The following MACROD1 variants were observed in gnomAD, a reference collection of about 807,000 sequenced individuals.
MACROD1 encodes mono-ADP ribosylhydrolase 1, also known as ADP-ribose glycohydrolase MACROD1.
A neutral mutation model predicts 41.4 loss-of-function variants in MACROD1; 31 were observed. The observed-to-expected ratio is 0.75, with a 90% confidence interval of 0.56 to 1.01. MACROD1 has a LOEUF of 1.01. Ranked by LOEUF, MACROD1 falls within the 50% of genes least tolerant of loss-of-function variation. The pLI is 0.00. For missense variants in MACROD1, 473 were observed against 460.0 expected (o/e 1.03, Z -0.26); for synonymous variants, 252 against 203.4 (o/e 1.24, Z -2.03).
At chr11:64,061,169 T>C (rs1943896088) in intron 3 of MACROD1, among the ~76,000 whole-genome samples, 1 of 152,236 alleles carries the variant, frequency 6.6e-6, no homozygotes, top group Non-Finnish European at 1.5e-5. Context: ...AGTCTTGTAA[T>C]GAGTATGGAT....
chr11:64,160,696 G>C lies in MACROD1; in HGVS notation c.298+5001C>G, dbSNP rs931820483. 6.6e-5 allele frequency among the ~76,000 whole-genome samples: 10 copies of C among 151,724 alleles called. 1 individual carries two copies. Among genetic ancestry groups the C allele is most frequent in the African/African-American group, 1.5e-4 (6 of 41,270 alleles). On this transcript the variant is annotated intron_variant, in intron 1 of 10. Transcript: ENST00000255681. ...CCAGGCATGGTGGCACATGCCTATA[G>C]TCCCAGCTACTCAGGAGGCTGAGGT...
intron 3 of MACROD1, among the ~76,000 whole-genome samples, chr11:64,028,394 C>T (rs1943249177): frequency 6.6e-6 from 1 of 152,268 alleles, no homozygotes; most frequent in Admixed American, 6.5e-5. Flanking sequence ...TCTCTGTTCC[C>T]CTGCCCTCCC....
intron 4 of MACROD1, among the ~76,000 whole-genome samples, chr11:64,005,666 G>A (rs1942898939): frequency 6.6e-6 from 1 of 152,242 alleles, no homozygotes. Context: ...GGCTGTATGG[G>A]AGGATCCCCT....
chr11:64,075,336 C>T lies in MACROD1; in HGVS notation c.518-60055G>A, dbSNP rs1944181663. Among the ~76,000 whole-genome samples the T allele has an allele frequency of 2.0e-5, 3 of 152,376 alleles. No homozygotes were observed. The South Asian group carries it at 6.2e-4, about 32-fold the overall frequency. The stretch of plus-strand genomic sequence containing the variant: ...ATCACCCTGTTTAGACAGAAGTCAT[C>T]TTTCTGGGTCTAAACCGTTCCCTGG... On this transcript the variant is annotated intron_variant, in intron 3 of 10. Coordinates refer to ENST00000255681, the MANE Select transcript of MACROD1 (RefSeq NM_014067.4).
chr11:64,068,322 G>A (rs1944043328), intron 3 of MACROD1, among the ~76,000 whole-genome samples: 1 of 152,168 alleles, frequency 6.6e-6, no homozygotes, highest in South Asian at 2.1e-4. Context: ...CCACTCTTCC[G>A]CCTTTGGGGA....
intron 3 of MACROD1, among the ~76,000 whole-genome samples, chr11:64,125,506 T>C (rs144239419): frequency 3.5e-4 from 53 of 152,284 alleles, no homozygotes; most frequent in African/African-American, 1.0e-3. Context: ...TGCCCACTCA[T>C]TGAGGATGGC....
intron 3 of MACROD1, among the ~76,000 whole-genome samples, chr11:64,047,972 G>C (rs1943616603): frequency 6.6e-6 from 1 of 152,088 alleles, no homozygotes; most frequent in African/African-American, 2.4e-5. Context: ...GGACCCTGAT[G>C]GTGGATAGGA....
chr11:64,151,624 A>G (rs1169348506), intron 2 of MACROD1, among the ~76,000 whole-genome samples: 2 of 152,194 alleles, frequency 1.3e-5, no homozygotes, highest in Non-Finnish European at 2.9e-5. Flanking sequence ...ACAGAGGTAG[A>G]AACTGAGGAT....
chr11:64,153,826 G>A (rs1378327981), intron 1 of MACROD1, among the ~76,000 whole-genome samples: 2 of 152,048 alleles, frequency 1.3e-5, no homozygotes, highest in Admixed American at 6.6e-5. Flanking sequence ...CAGTACCAGC[G>A]CTGCCACCTG....
intron 3 of MACROD1, among the ~76,000 whole-genome samples, chr11:64,134,632 G>A (rs901345634): frequency 6.6e-6 from 1 of 152,048 alleles, no homozygotes; most frequent in African/African-American, 2.4e-5. Context: ...AGCACCTGAG[G>A]AAGCACCTGC....
intron 3 of MACROD1, among the ~76,000 whole-genome samples, chr11:64,074,714 G>T (rs1590871922): frequency 6.6e-6 from 1 of 152,182 alleles, no homozygotes; most frequent in Non-Finnish European, 1.5e-5. Flanking sequence ...TGCCCTGTGG[G>T]TCCCTGAGCT....
At chr11:64,138,902 G>A (rs1039621868) in intron 3 of MACROD1, among the ~76,000 whole-genome samples, 43 of 152,204 alleles carry the variant, frequency 2.8e-4, no homozygotes, top group Admixed American at 6.5e-4. Flanking sequence ...CGAGTAGCTG[G>A]GATTACAGGC....
At position 64,082,338 on chromosome 11, in the gene MACROD1, A is replaced by C. The variant is rs1490918217; in HGVS notation, c.518-67057T>G. Among the ~76,000 whole-genome samples the C allele has an allele frequency of 3.3e-5, 5 of 151,014 alleles. No homozygotes were observed. Among genetic ancestry groups the C allele is most frequent in the Non-Finnish European group, 7.4e-5 (5 of 67,724 alleles). On this transcript the variant is annotated intron_variant, in intron 3 of 10. Transcript: ENST00000255681. The surrounding 1 kb of genome is among the most constrained non-coding windows in gnomAD (Gnocchi z 4.5). ...GCTGGGTGGAGGATGATCCGGGGGG[A>C]CCGTGGAAGGCAGGACGGGGGCCAG...
rs1325479143 is a variant in MACROD1, at chr11:64,122,588, G to A, written c.517+28651C>T. ...AAAGCCAGGCAGAGAGCTGAGGAGG[G>A]GGTCGGGGAGATGTTTCCAGAGCGG... is the stretch of plus-strand genomic sequence containing the variant. On this transcript the variant is annotated intron_variant, in intron 3 of 10. Transcript: ENST00000255681. The surrounding 1 kb of genome is among the most constrained non-coding windows in gnomAD (Gnocchi z 4.0). 6.6e-6 allele frequency among the ~76,000 whole-genome samples: 1 copy of A among 152,260 alleles called. No individual in the cohort carries two copies. Among genetic ancestry groups the A allele is most frequent in the Non-Finnish European group, 1.5e-5 (1 of 68,044 alleles).
intron 1 of MACROD1, among the ~76,000 whole-genome samples, chr11:64,156,474 T>C (rs1356580479): frequency 6.6e-6 from 1 of 152,022 alleles, no homozygotes; most frequent in Non-Finnish European, 1.5e-5. Flanking sequence ...TGCTGAAGTG[T>C]CTCTGGCTGG....
In MACROD1 at chr11:64,116,323, C is replaced by T. The variant is rs768238981; in HGVS notation, c.517+34916G>A. 3.7e-5 allele frequency: 60 copies of T among 1,609,678 alleles called. No homozygotes were observed. In the East Asian group the frequency reaches 3.8e-4, roughly 10 times the overall value. ...ACCACCACGCCCACTGCCACTGTCA[C>T]GGCCACCGTTGTGATGACCACGGCC... On this transcript the variant is annotated intron_variant, in intron 3 of 10. Transcript: ENST00000255681.
At chr11:64,114,343 T>TG (rs1555025677) in intron 3 of MACROD1, among the ~76,000 whole-genome samples, 1 of 136,252 alleles carries the variant, frequency 7.3e-6, no homozygotes, top group Non-Finnish European at 1.6e-5. Flanking sequence ...AGTAGATACA[T>TG]GATGGATGGA....
At chr11:64,023,460 A>G (rs1399939615) in intron 3 of MACROD1, among the ~76,000 whole-genome samples, 2 of 152,162 alleles carry the variant, frequency 1.3e-5, no homozygotes, top group Non-Finnish European at 2.9e-5. Flanking sequence ...ACAGCCTCAC[A>G]GGGCTTCACT....
chr11:64,082,500 G>A lies in MACROD1; in HGVS notation c.518-67219C>T, dbSNP rs1461526307. On this transcript the variant is annotated intron_variant, in intron 3 of 10. Transcript: ENST00000255681. The surrounding 1 kb of genome is among the most constrained non-coding windows in gnomAD (Gnocchi z 4.5). ...GGCTGGGGCCAAGAGCTGGTCCCAGGGGGTGAAACAAGGCTCGGTGCCTAA... is the reference window on the plus strand; with the variant it reads ...GGCTGGGGCCAAGAGCTGGTCCCAGAGGGTGAAACAAGGCTCGGTGCCTAA... Among the ~76,000 whole-genome samples, 1 of 152,076 alleles carries A rather than the reference G, an allele frequency of 6.6e-6. No homozygotes were observed. The highest frequency in any genetic ancestry group is 2.4e-5 in the African/African-American group (1 of 41,414).
Sources: allele counts gnomAD v4.1 joint callset (sites outside exome capture counted in the v4.1 genomes callset), GRCh38; gene constraint gnomAD v4.1.1; non-coding constraint Gnocchi (gnomAD v3.1); transcripts MANE v1.5; gene names NCBI Gene and HGNC (gene_info 2026-07-23, HGNC 2026-07-21).